The following GALNT13 variants were observed in gnomAD, a reference collection of about 807,000 sequenced individuals.
GALNT13 encodes polypeptide N-acetylgalactosaminyltransferase 13.
Under a neutral mutation model 64.2 loss-of-function variants are expected in GALNT13, and 28 were observed. That is an observed-to-expected ratio of 0.44 (90% CI 0.32 to 0.60). The LOEUF (loss-of-function observed/expected upper bound fraction) is 0.60. GALNT13 is among the 20% of genes least tolerant of loss of function. The pLI, the probability that GALNT13 is intolerant of heterozygous loss-of-function variation, is 0.05. For synonymous variants in GALNT13, 214 were observed against 224.6 expected (o/e 0.95, Z 0.42); for missense variants, 577 against 669.8 (o/e 0.86, Z 1.53).
At chr2:153,292,565 G>C in the GALNT13 span, among the ~76,000 whole-genome samples, 78,051 of 151,906 alleles carry the variant, frequency 0.51, 20,804 homozygotes, top group Middle Eastern at 0.64. Flanking sequence ...AGCCAGCAAA[G>C]AGCTGAGGTT....
chr2:154,048,256 G>T (rs1699388968), intron 3 of GALNT13, among the ~76,000 whole-genome samples: 1 of 152,080 alleles, frequency 6.6e-6, no homozygotes, highest in African/African-American at 2.4e-5. Flanking sequence ...CCATGATCCA[G>T]TCACCTCCCA....
At chr2:154,135,017 C>T (rs1682868836) in intron 3 of GALNT13, among the ~76,000 whole-genome samples, 1 of 151,992 alleles carries the variant, frequency 6.6e-6, no homozygotes, top group Admixed American at 6.6e-5. Flanking sequence ...TTGGCATGTA[C>T]AATAATGTTG....
At chr2:153,597,276 G>C in the GALNT13 span, among the ~76,000 whole-genome samples, 1 of 151,988 alleles carries the variant, frequency 6.6e-6, no homozygotes, top group African/African-American at 2.4e-5. Context: ...CTAAGCGTAG[G>C]GCTCAGAGCA....
chr2:153,878,225 GTTAT>G (rs1686526940), intron 1 of GALNT13, among the ~76,000 whole-genome samples: 1 of 152,102 alleles, frequency 6.6e-6, no homozygotes, highest in Non-Finnish European at 1.5e-5. Context: ...ATAAATAATA[GTTAT>G]TTAAAGAGAA....
chr2:154,252,786 AT>A (rs1690156238), intron 7 of GALNT13, among the ~76,000 whole-genome samples: 1 of 151,918 alleles, frequency 6.6e-6, no homozygotes, highest in East Asian at 1.9e-4. Flanking sequence ...TAGATAATAG[AT>A]AAGGAAAGGA....
intron 7 of GALNT13, among the ~76,000 whole-genome samples, chr2:154,253,543 T>C (rs1690204157): frequency 6.6e-6 from 1 of 152,152 alleles, no homozygotes; most frequent in Non-Finnish European, 1.5e-5. Context: ...GCACCTGTCA[T>C]CCTGAGACAG....
the GALNT13 span, among the ~76,000 whole-genome samples, chr2:153,762,993 C>A: frequency 6.6e-6 from 1 of 151,614 alleles, no homozygotes; most frequent in African/African-American, 2.4e-5. Context: ...ACTTTGATTG[C>A]ATTTGCTTTT....
At chr2:154,394,104 A>AAAAAAAT (rs1553523758) in intron 9 of GALNT13, among the ~76,000 whole-genome samples, 1 of 146,364 alleles carries the variant, frequency 6.8e-6, no homozygotes, top group Non-Finnish European at 1.5e-5. Flanking sequence ...AAAAAAAAAA[A>AAAAAAAT]GGTATGCAAA....
At chr2:153,801,098 G>A in the GALNT13 span, among the ~76,000 whole-genome samples, 932 of 152,178 alleles carry the variant, frequency 6.1e-3, 10 homozygotes, top group African/African-American at 0.022. Context: ...GAGAGTTAGG[G>A]CTGTGTTCTG....
At chr2:153,542,706 G>C in the GALNT13 span, among the ~76,000 whole-genome samples, 1 of 152,174 alleles carries the variant, frequency 6.6e-6, no homozygotes, top group Admixed American at 6.5e-5. Context: ...CAAGGTTTTT[G>C]TTGAAAACTG....
the GALNT13 span, among the ~76,000 whole-genome samples, chr2:153,175,274 G>C: frequency 6.6e-6 from 1 of 152,098 alleles, no homozygotes. Flanking sequence ...AAACTTTGTA[G>C]GGGAGATTAA....
At chr2:153,412,576 A>C in the GALNT13 span, among the ~76,000 whole-genome samples, 1 of 152,170 alleles carries the variant, frequency 6.6e-6, no homozygotes, top group Non-Finnish European at 1.5e-5. Flanking sequence ...TGGTCTCAGG[A>C]ACAACTGAAT....
the GALNT13 span, among the ~76,000 whole-genome samples, chr2:153,712,232 T>C: frequency 1.3e-5 from 2 of 152,192 alleles, no homozygotes; most frequent in African/African-American, 4.8e-5. Flanking sequence ...TTTATATTAT[T>C]TCAATGTGAC....
At chr2:153,635,445 CAT>C in the GALNT13 span, among the ~76,000 whole-genome samples, 1 of 132,428 alleles carries the variant, frequency 7.6e-6, no homozygotes, top group Non-Finnish European at 1.6e-5. Flanking sequence ...TATATACACA[CAT>C]ATATATGTAT....
intron 2 of GALNT13, among the ~76,000 whole-genome samples, chr2:153,912,207 T>C (rs1309479103): frequency 6.6e-6 from 1 of 152,226 alleles, no homozygotes; most frequent in East Asian, 1.9e-4. Context: ...TGCTTTTACT[T>C]GCTATTGCGT....
intron 4 of GALNT13, among the ~76,000 whole-genome samples, chr2:154,164,433 C>A (rs1323673092): frequency 6.6e-6 from 1 of 151,976 alleles, no homozygotes; most frequent in Non-Finnish European, 1.5e-5. Context: ...AAGATTTCAA[C>A]AACTAGATAT....
At chr2:153,752,185 G>T in the GALNT13 span, among the ~76,000 whole-genome samples, 1 of 151,844 alleles carries the variant, frequency 6.6e-6, no homozygotes, top group Non-Finnish European at 1.5e-5. Flanking sequence ...TTTTACAGTT[G>T]TGTCTTGACA....
chr2:153,965,419 C>G (rs60347232), intron 3 of GALNT13, among the ~76,000 whole-genome samples: 13,505 of 152,026 alleles, frequency 0.089, 1,614 homozygotes, highest in East Asian at 0.63. Flanking sequence ...TTTTTTTTAA[C>G]TCCCAAATGT....
the GALNT13 span, among the ~76,000 whole-genome samples, chr2:153,369,918 G>C: frequency 6.6e-6 from 1 of 152,196 alleles, no homozygotes; most frequent in Non-Finnish European, 1.5e-5. Context: ...TTATGAACCA[G>C]AGGTGTCCAT....
Sources: allele counts gnomAD v4.1 joint callset (sites outside exome capture counted in the v4.1 genomes callset), GRCh38; gene constraint gnomAD v4.1.1; transcripts MANE v1.5; gene names NCBI Gene and HGNC (gene_info 2026-07-23, HGNC 2026-07-21).